The following PTPRN2 variants were observed in gnomAD, a reference collection of about 807,000 sequenced individuals.
PTPRN2 encodes protein tyrosine phosphatase receptor type N2, also known as receptor-type tyrosine-protein phosphatase N2.
PTPRN2 carries 74 observed loss-of-function variants against 118.8 expected under a neutral mutation model. The observed-to-expected ratio is 0.62, with a 90% CI of 0.52 to 0.76. PTPRN2 has a LOEUF of 0.76. PTPRN2 is among the 30% of genes least tolerant of loss of function. The pLI is 0.00. For synonymous variants in PTPRN2, 641 were observed against 608.0 expected (o/e 1.05, Z -0.80); for missense variants, 1,481 against 1,394.4 (o/e 1.06, Z -0.99).
chr7:158,312,725 CCACA>C (rs10537080), intron 3 of PTPRN2, among the ~76,000 whole-genome samples: 58 of 145,020 alleles, frequency 4.0e-4, no homozygotes, highest in African/African-American at 1.1e-3. Context: ...ATATAGATAC[CCACA>C]CACACACACC....
intron 3 of PTPRN2, among the ~76,000 whole-genome samples, chr7:158,296,377 C>T (rs1344077464): frequency 1.3e-5 from 2 of 152,192 alleles, no homozygotes; most frequent in African/African-American, 4.8e-5. Context: ...GTCCATCTCC[C>T]TCTGGCTCCT....
chr7:158,020,548 G>T (rs13228979), intron 11 of PTPRN2, among the ~76,000 whole-genome samples: 1 of 152,154 alleles, frequency 6.6e-6, no homozygotes, highest in African/African-American at 2.4e-5. Context: ...GTGCGGAGAG[G>T]AGAGGCCGGC....
chr7:158,203,940 C>T (rs1315902741), intron 4 of PTPRN2, among the ~76,000 whole-genome samples: 1 of 152,196 alleles, frequency 6.6e-6, no homozygotes, highest in Non-Finnish European at 1.5e-5. Context: ...GCAGCCCCTG[C>T]CCTCAGTGTG....
chr7:157,582,909 C>T (rs1800475354), intron 17 of PTPRN2, among the ~76,000 whole-genome samples: 2 of 151,206 alleles, frequency 1.3e-5, no homozygotes, highest in African/African-American at 4.9e-5. Context: ...AACAATAAAA[C>T]CAGTATGGAG....
intron 3 of PTPRN2, among the ~76,000 whole-genome samples, chr7:158,266,663 C>T (rs558452121): frequency 5.4e-4 from 82 of 152,302 alleles, no homozygotes; most frequent in Non-Finnish European, 9.9e-4. Context: ...ACAACGGCCA[C>T]TTCCCGGCTT....
intron 12 of PTPRN2, among the ~76,000 whole-genome samples, chr7:157,807,565 G>A (rs1805710557): frequency 6.6e-6 from 1 of 152,208 alleles, no homozygotes; most frequent in Non-Finnish European, 1.5e-5. Context: ...ATGCCTTTCT[G>A]CACAGCCAGG....
rs540204508 is a variant in PTPRN2 at position 157,632,731 on chromosome 7, A to G, written c.2197-11222T>C. Among the ~76,000 whole-genome samples the G allele has an allele frequency of 1.1e-4, 16 of 152,312 alleles. No individual in the cohort carries two copies. The highest frequency in any genetic ancestry group is 3.6e-4 in the African/African-American group (15 of 41,560). On this transcript the variant is annotated intron_variant, in intron 14 of 22. Coordinates refer to ENST00000389418, the MANE Select transcript of PTPRN2 (RefSeq NM_002847.5). This position sits in a 1 kb window ranked among gnomAD's most constrained non-coding sequence, Gnocchi z 4.3. The stretch of plus-strand genomic sequence containing the variant: ...AAGCGCAAAGAATTTTAAATGAACA[A>G]TTTTATGAATCTTATTATCTTATTT...
At chr7:157,723,348 C>A (rs1799351106) in intron 12 of PTPRN2, among the ~76,000 whole-genome samples, 1 of 152,180 alleles carries the variant, frequency 6.6e-6, no homozygotes, top group African/African-American at 2.4e-5. Context: ...TGAATGCCTC[C>A]CCTGGTGTCC....
chr7:157,952,870 G>A (rs946536627), intron 11 of PTPRN2, among the ~76,000 whole-genome samples: 1 of 152,182 alleles, frequency 6.6e-6, no homozygotes, highest in African/African-American at 2.4e-5. Context: ...CCTGGGTACA[G>A]CAGACTTCAT....
intron 3 of PTPRN2, among the ~76,000 whole-genome samples, chr7:158,207,783 A>T (rs1188486682): frequency 6.6e-6 from 1 of 152,164 alleles, no homozygotes; most frequent in Non-Finnish European, 1.5e-5. Context: ...TCACCAAACG[A>T]ACTAAATAAG....
chr7:158,566,950 G>C (rs1827706363), intron 1 of PTPRN2, among the ~76,000 whole-genome samples: 1 of 152,210 alleles, frequency 6.6e-6, no homozygotes. Context: ...CTGACCTCAA[G>C]TGATCCACCC....
intron 13 of PTPRN2, among the ~76,000 whole-genome samples, chr7:157,682,064 C>T (rs759668060): frequency 1.1e-4 from 16 of 152,178 alleles, no homozygotes; most frequent in Non-Finnish European, 1.8e-4. Flanking sequence ...CATTACAGGA[C>T]AATACTAAAT....
rs968155882 is a variant in PTPRN2, at chr7:157,590,893, T to C, written c.2496+4345A>G. ...GGACTCCTGACCCATCACCATGTCA[T>C]GTGGGTGCCAATTAGCTGCTTGGAA... On this transcript the variant is annotated intron_variant, in intron 17 of 22. Transcript: ENST00000389418. This position sits in a 1 kb window ranked among gnomAD's most constrained non-coding sequence, Gnocchi z 4.0. 2.0e-5 allele frequency among the ~76,000 whole-genome samples: 3 copies of C among 152,172 alleles called. No individual in the cohort carries two copies. Among genetic ancestry groups the C allele is most frequent in the Admixed American group, 6.5e-5 (1 of 15,276 alleles).
At chr7:158,335,024 C>T (rs1297426723) in intron 2 of PTPRN2, among the ~76,000 whole-genome samples, 5 of 11,080 alleles carry the variant, frequency 4.5e-4, no homozygotes, top group African/African-American at 6.1e-4. Context: ...TAAGAGCTGA[C>T]ACCCGCAGAC....
intron 11 of PTPRN2, among the ~76,000 whole-genome samples, chr7:157,978,324 G>A (rs1428966943): frequency 3.3e-5 from 5 of 151,958 alleles, no homozygotes; most frequent in African/African-American, 1.2e-4. Flanking sequence ...TATGCTGACC[G>A]CATGTCTTTT....
intron 2 of PTPRN2, among the ~76,000 whole-genome samples, chr7:158,386,784 C>T (rs904935152): frequency 6.6e-6 from 1 of 152,208 alleles, no homozygotes; most frequent in Middle Eastern, 3.2e-3. Context: ...TGCATCGACT[C>T]CCAGCTCTTG....
At chr7:157,595,417 A>AGGTTAGGAAACCTGGG (rs1801242089) in intron 16 of PTPRN2, 102 bp from the exon 17 acceptor site, 30 of 1,087,510 alleles carry the variant, frequency 2.8e-5, no homozygotes, top group African/African-American at 1.3e-4. Flanking sequence ...GGAAACCCGG[A>AGGTTAGGAAACCTGGG]GGTTAGGAAG....
At position 158,521,613 on chromosome 7, in the gene PTPRN2, AGTGG is replaced by A. The variant is rs1563387448; in HGVS notation, c.113-31832_113-31829del. ...CGTCACAATGGTGGACTGTCCAGGTAGTGGCTCAGGAGGGAGGTCCACGTCACAA... is the reference window on the plus strand; with the variant it reads ...CGTCACAATGGTGGACTGTCCAGGTACTCAGGAGGGAGGTCCACGTCACAA... On this transcript the variant is annotated intron_variant, in intron 1 of 22. Coordinates refer to ENST00000389418, the MANE Select transcript of PTPRN2 (RefSeq NM_002847.5). 9.3e-4 allele frequency among the ~76,000 whole-genome samples: 42 copies of A among 45,046 alleles called. 9 individuals are homozygous for A. The highest frequency in any genetic ancestry group is 1.8e-3 in the Non-Finnish European group (36 of 20,342). The allele number at this position is 45,046 out of a possible 152,430, so 29.6% of individuals were successfully genotyped here. A position where few individuals can be genotyped will look rare whatever the true frequency, so the allele number is the denominator to read the frequency against.
At chr7:158,333,258 C>A (rs1212144894) in intron 2 of PTPRN2, among the ~76,000 whole-genome samples, 1 of 113,202 alleles carries the variant, frequency 8.8e-6, no homozygotes, top group South Asian at 2.7e-4. Flanking sequence ...AGCTGTCGCC[C>A]GCAGGAGTCA....
Sources: gnomAD v4.1 joint callset for allele counts (sites outside exome capture counted in the v4.1 genomes callset) on GRCh38, gnomAD v4.1.1 for gene constraint, Gnocchi (gnomAD v3.1) non-coding constraint, MANE v1.5 for transcripts, NCBI Gene and HGNC (gene_info 2026-07-23, HGNC 2026-07-21) for gene names.